DENND1A: variants seen among roughly 807,000 people sequenced by gnomAD.
DENND1A encodes the protein DENN domain-containing protein 1A.
A neutral mutation model predicts 113.7 loss-of-function variants in DENND1A; 51 were observed. That is an observed-to-expected ratio of 0.45 (90% CI 0.36 to 0.57). The LOEUF (loss-of-function observed/expected upper bound fraction) is 0.57, where lower values mean the gene tolerates loss of function less well. Ranked by LOEUF, DENND1A falls within the 20% of genes least tolerant of loss-of-function variation. The pLI is 0.00. For missense variants in DENND1A, 1,258 were observed against 1,395.9 expected (o/e 0.90, Z 1.57); for synonymous variants, 565 against 570.8 (o/e 0.99, Z 0.14).
intron 19 of DENND1A, among the ~76,000 whole-genome samples, chr9:123,415,455 A>G (rs1267223080): frequency 6.6e-6 from 1 of 152,052 alleles, no homozygotes; most frequent in Admixed American, 6.5e-5. Context: ...GAAGAAGGGG[A>G]GGGCTGCACT....
chr9:123,600,728 C>T (rs770187276), intron 11 of DENND1A, among the ~76,000 whole-genome samples: 5 of 151,824 alleles, frequency 3.3e-5, no homozygotes, highest in Admixed American at 6.6e-5. Context: ...CTACTTGGGA[C>T]GCTGAGGCAG....
intron 13 of DENND1A, among the ~76,000 whole-genome samples, chr9:123,510,109 G>A (rs1273056490): frequency 6.6e-6 from 1 of 152,236 alleles, no homozygotes; most frequent in African/African-American, 2.4e-5. Flanking sequence ...GGCCTGCCCT[G>A]TGAGTCGCGC....
chr9:123,513,130 T>G (rs1049723063), intron 13 of DENND1A, among the ~76,000 whole-genome samples: 1 of 152,044 alleles, frequency 6.6e-6, no homozygotes, highest in African/African-American at 2.4e-5. Flanking sequence ...TTCTCCGGAG[T>G]CCGGTGAGGT....
chr9:123,693,697 C>A (rs1288013729), intron 5 of DENND1A, among the ~76,000 whole-genome samples: 3 of 151,934 alleles, frequency 2.0e-5, no homozygotes, highest in African/African-American at 2.4e-5. Flanking sequence ...TGTATCACAA[C>A]CCCATGGTGC....
intron 2 of DENND1A, among the ~76,000 whole-genome samples, chr9:123,855,940 G>C (rs956839157): frequency 3.9e-5 from 6 of 152,130 alleles, no homozygotes; most frequent in Non-Finnish European, 8.8e-5. Context: ...GGGAGGCTGA[G>C]GCAGGAAAAT....
chr9:123,772,462 G>C (rs945504491), intron 3 of DENND1A, among the ~76,000 whole-genome samples: 1 of 152,128 alleles, frequency 6.6e-6, no homozygotes, highest in African/African-American at 2.4e-5. Context: ...TTTCTTTGTA[G>C]AAGGTAATTT....
intron 18 of DENND1A, among the ~76,000 whole-genome samples, chr9:123,444,053 A>G (rs1024591350): frequency 6.6e-6 from 1 of 152,184 alleles, no homozygotes; most frequent in Non-Finnish European, 1.5e-5. Flanking sequence ...AACTTTTGAT[A>G]CCCATGATTA....
chr9:123,860,065 A>G (rs575224252), intron 2 of DENND1A, among the ~76,000 whole-genome samples: 177 of 152,338 alleles, frequency 1.2e-3, no homozygotes, highest in African/African-American at 4.0e-3. Flanking sequence ...TTAGGAGGCC[A>G]TGGTAATCAG....
At chr9:123,486,909 C>T (rs1311373370) in intron 13 of DENND1A, among the ~76,000 whole-genome samples, 1 of 152,162 alleles carries the variant, frequency 6.6e-6, no homozygotes, top group Non-Finnish European at 1.5e-5. Context: ...GGTGGGCATG[C>T]GACCCTGGGA....
intron 2 of DENND1A, among the ~76,000 whole-genome samples, chr9:123,839,088 C>T (rs914552439): frequency 1.6e-4 from 25 of 152,180 alleles, no homozygotes; most frequent in African/African-American, 5.8e-4. Flanking sequence ...GCCACACGCT[C>T]GAATCGACCT....
intron 2 of DENND1A, among the ~76,000 whole-genome samples, chr9:123,812,707 A>T (rs1332797820): frequency 5.3e-5 from 8 of 152,170 alleles, no homozygotes; most frequent in Non-Finnish European, 1.2e-4. Flanking sequence ...ATAGAATCAT[A>T]ATCTTTTTAA....
chr9:123,715,362 G>A (rs927185423), intron 5 of DENND1A, among the ~76,000 whole-genome samples: 6 of 152,040 alleles, frequency 3.9e-5, no homozygotes, highest in African/African-American at 1.4e-4. Flanking sequence ...AAAGAGCCTT[G>A]GTCAGATCAT....
chr9:123,436,255 A>G (rs895450145), intron 19 of DENND1A, among the ~76,000 whole-genome samples: 1 of 152,188 alleles, frequency 6.6e-6, no homozygotes. Context: ...CACCCCTTCC[A>G]GCTCCCTCCT....
chr9:123,705,534 GAA>G (rs1012547462), intron 5 of DENND1A, among the ~76,000 whole-genome samples: 28 of 151,944 alleles, frequency 1.8e-4, no homozygotes, highest in African/African-American at 6.8e-4. Flanking sequence ...CACGAGAACA[GAA>G]AAATGTAATT....
At chr9:123,694,666 T>C (rs150829456) in intron 5 of DENND1A, among the ~76,000 whole-genome samples, 185 of 152,330 alleles carry the variant, frequency 1.2e-3, no homozygotes, top group African/African-American at 3.8e-3. Context: ...TATCTAGAAT[T>C]GTCCTAAAAC....
intron 19 of DENND1A, among the ~76,000 whole-genome samples, chr9:123,430,846 G>GA (rs892713715): frequency 6.6e-6 from 1 of 152,082 alleles, no homozygotes; most frequent in Non-Finnish European, 1.5e-5. Context: ...TATTGAAGAA[G>GA]AAAAAATTAG....
chr9:123,669,481 T>C (rs2139920012), intron 7 of DENND1A, among the ~76,000 whole-genome samples: 1 of 152,354 alleles, frequency 6.6e-6, no homozygotes, highest in East Asian at 1.9e-4. Context: ...ACCACTGGCA[T>C]GAAACAGCTG....
chr9:123,538,307 C>T (rs1021785502), intron 13 of DENND1A, among the ~76,000 whole-genome samples: 5 of 152,020 alleles, frequency 3.3e-5, no homozygotes, highest in Non-Finnish European at 7.4e-5. Flanking sequence ...TCAATATGAA[C>T]GACAAGAGAT....
At chr9:123,384,439 G>T (rs1264847600) in intron 22 of DENND1A, among the ~76,000 whole-genome samples, 1 of 152,222 alleles carries the variant, frequency 6.6e-6, no homozygotes, top group Non-Finnish European at 1.5e-5. Flanking sequence ...TCCACCTCTG[G>T]TCATGCTATT....
Sources: allele counts gnomAD v4.1 joint callset (sites outside exome capture counted in the v4.1 genomes callset), GRCh38; gene constraint gnomAD v4.1.1; transcripts MANE v1.5; gene names NCBI Gene and HGNC (gene_info 2026-07-23, HGNC 2026-07-21).